Variants in NDUFS4 observed in about 807,000 individuals in gnomAD.
The protein encoded by NDUFS4 is NADH dehydrogenase [ubiquinone] iron-sulfur protein 4, mitochondrial.
A neutral mutation model predicts 24.3 loss-of-function variants in NDUFS4; 28 were observed. The ratio of observed to expected loss-of-function variants is 1.15; its 90% CI spans 0.85 to 1.58. NDUFS4 has a LOEUF of 1.58. Among genes scored for constraint, NDUFS4 ranks in the 40% most tolerant of loss-of-function variants. NDUFS4 has a pLI of 0.00. For synonymous variants in NDUFS4, 93 were observed against 69.7 expected, an observed-to-expected ratio of 1.34 and a Z score of -1.67; for missense variants, 223 against 207.9, an observed-to-expected ratio of 1.07 and a Z score of -0.45.
At position 53,672,445 on chromosome 5, in the gene NDUFS4, A is replaced by G. The variant is rs1049253949; in HGVS notation, c.425-10673A>G. On this transcript the variant is annotated intron_variant, in intron 4 of 4. Coordinates refer to ENST00000296684, the MANE Select transcript of NDUFS4 (RefSeq NM_002495.4). ...AATTGGGTTTTGGTGGGGGAGGTCT[A>G]TTAAGTAGAACACAGGACAGAAATT... Among the ~76,000 whole-genome samples the G allele has an allele frequency of 2.0e-5, 3 of 152,156 alleles. No individual in the cohort carries two copies. In the East Asian group the frequency reaches 5.8e-4, roughly 29 times the overall value.
At chr5:53,572,970 G>GT (rs34978747) in intron 1 of NDUFS4, among the ~76,000 whole-genome samples, 1,713 of 111,186 alleles carry the variant, frequency 0.015, 46 homozygotes, top group African/African-American at 0.049. Flanking sequence ...TTTTTTTTTT[G>GT]TTTTTTTTTT....
At chr5:53,591,228 G>A (rs1374112230) in intron 1 of NDUFS4, among the ~76,000 whole-genome samples, 2 of 152,122 alleles carry the variant, frequency 1.3e-5, no homozygotes, top group African/African-American at 4.8e-5. Flanking sequence ...GAATAATGCT[G>A]CTATAATCAT....
chr5:53,671,825 T>TCC (rs745376172), intron 4 of NDUFS4, among the ~76,000 whole-genome samples: 7 of 152,030 alleles, frequency 4.6e-5, no homozygotes, highest in African/African-American at 1.7e-4. Context: ...TGGTCTTTTT[T>TCC]CCCCCGTTTG....
chr5:53,677,183 A>G (rs966212150), intron 4 of NDUFS4, among the ~76,000 whole-genome samples: 1 of 152,218 alleles, frequency 6.6e-6, no homozygotes, highest in Admixed American at 6.6e-5. Flanking sequence ...GAATAGTTCC[A>G]ACTACTGCTT....
At chr5:53,604,035 A>T (rs947533773) in intron 2 of NDUFS4, among the ~76,000 whole-genome samples, 1 of 152,186 alleles carries the variant, frequency 6.6e-6, no homozygotes, top group African/African-American at 2.4e-5. Flanking sequence ...AACTAGCAAG[A>T]CCAGCAACAA....
At chr5:53,658,527 TG>T in intron 3 of NDUFS4, 23 bp from the exon 4 acceptor site, 3 of 1,579,068 alleles carry the variant, frequency 1.9e-6, no homozygotes, top group Non-Finnish European at 2.6e-6. Flanking sequence ...TGTTAAATCT[TG>T]GAAAAAAATT....
chr5:53,664,938 T>G (rs1306990426), intron 4 of NDUFS4, among the ~76,000 whole-genome samples: 1 of 152,176 alleles, frequency 6.6e-6, no homozygotes, highest in Non-Finnish European at 1.5e-5. Context: ...TCTGCTCTGT[T>G]TTTTCCCCAT....
At chr5:53,594,099 G>C (rs1472543705) in intron 1 of NDUFS4, among the ~76,000 whole-genome samples, 2 of 152,096 alleles carry the variant, frequency 1.3e-5, no homozygotes, top group Non-Finnish European at 2.9e-5. Context: ...ATTCTTAACT[G>C]ATACTCTGTC....
intron 2 of NDUFS4, 159 bp from the exon 3 acceptor site, chr5:53,646,074 C>A: frequency 3.2e-6 from 2 of 620,282 alleles, no homozygotes; most frequent in Non-Finnish European, 5.7e-6. Flanking sequence ...TAGTAATTTA[C>A]ATTGTAAAGT....
At chr5:53,582,451 C>T (rs187658) in intron 1 of NDUFS4, among the ~76,000 whole-genome samples, 7 of 151,972 alleles carry the variant, frequency 4.6e-5, no homozygotes, top group Non-Finnish European at 8.8e-5. Flanking sequence ...TCACTCAGAC[C>T]GTGGCCATGT....
intron 1 of NDUFS4, among the ~76,000 whole-genome samples, chr5:53,580,773 C>T (rs1749542025): frequency 2.2e-5 from 3 of 139,370 alleles, no homozygotes. Context: ...TTCTTTCTTT[C>T]TCTCTCTCTT....
At chr5:53,627,120 C>A (rs1258451530) in intron 2 of NDUFS4, among the ~76,000 whole-genome samples, 2 of 152,118 alleles carry the variant, frequency 1.3e-5, no homozygotes, top group African/African-American at 4.8e-5. Context: ...GTTCCCAGCA[C>A]CATTTATTAA....
chr5:53,635,260 C>T (rs970388402), intron 2 of NDUFS4, among the ~76,000 whole-genome samples: 1 of 151,580 alleles, frequency 6.6e-6, no homozygotes, highest in African/African-American at 2.4e-5. Flanking sequence ...TGGCTCATGC[C>T]TGTAATCCCA....
intron 2 of NDUFS4, among the ~76,000 whole-genome samples, chr5:53,628,965 G>A (rs2112487225): frequency 6.6e-6 from 1 of 152,166 alleles, no homozygotes; most frequent in Non-Finnish European, 1.5e-5. Flanking sequence ...TTTAAATTGT[G>A]ATGTTAGGGT....
At chr5:53,626,405 A>G (rs1751227476) in intron 2 of NDUFS4, among the ~76,000 whole-genome samples, 2 of 152,120 alleles carry the variant, frequency 1.3e-5, no homozygotes, top group South Asian at 2.1e-4. Flanking sequence ...CAGTAATGGG[A>G]TTGCTGGGTC....
At chr5:53,578,499 T>C (rs1749457433) in intron 1 of NDUFS4, among the ~76,000 whole-genome samples, 5 of 152,180 alleles carry the variant, frequency 3.3e-5, no homozygotes, top group Admixed American at 6.5e-5. Flanking sequence ...GTCATGTCAG[T>C]CTAGCAGACT....
At chr5:53,630,192 A>T (rs1751367310) in intron 2 of NDUFS4, among the ~76,000 whole-genome samples, 1 of 152,204 alleles carries the variant, frequency 6.6e-6, no homozygotes, top group Admixed American at 6.5e-5. Flanking sequence ...TTCTTTAAGA[A>T]TGTTGAATAT....
chr5:53,645,652 T>G (rs1056810028), intron 2 of NDUFS4, among the ~76,000 whole-genome samples: 1 of 152,212 alleles, frequency 6.6e-6, no homozygotes, highest in African/African-American at 2.4e-5. Context: ...CTCTCTTTAG[T>G]AGGTTTCACC....
intron 2 of NDUFS4, among the ~76,000 whole-genome samples, chr5:53,606,013 CAAAA>C (rs11329751): frequency 5.2e-5 from 4 of 77,054 alleles, no homozygotes; most frequent in Admixed American, 2.9e-4. Context: ...GACTCCGTCT[CAAAA>C]AAAAAAAAAA....
Sources: allele counts gnomAD v4.1 joint callset (sites outside exome capture counted in the v4.1 genomes callset), GRCh38; gene constraint gnomAD v4.1.1; transcripts MANE v1.5; gene names NCBI Gene and HGNC (gene_info 2026-07-23, HGNC 2026-07-21).